Variants in DLG2 observed in about 807,000 individuals in gnomAD.
DLG2 encodes the protein discs large MAGUK scaffold protein 2.
A neutral mutation model predicts 132.5 loss-of-function variants in DLG2; 45 were observed. That is an observed-to-expected ratio of 0.34 (90% CI 0.27 to 0.44). DLG2 has a LOEUF of 0.44. Ranked by LOEUF, DLG2 falls within the 20% of genes least tolerant of loss-of-function variation. DLG2 has a pLI of 1.00. For synonymous variants in DLG2, 424 were observed against 419.6 expected (o/e 1.01, Z -0.13); for missense variants, 1,045 against 1,196.9 (o/e 0.87, Z 1.87).
In DLG2 at chr11:84,027,631, C is replaced by T. The variant is rs144176536; in HGVS notation, c.919+31684G>A. 7.2e-3 allele frequency among the ~76,000 whole-genome samples: 1,096 copies of T among 152,040 alleles called. 51 individuals are homozygous for T. The highest frequency in any genetic ancestry group is 0.067 in the Admixed American group (1,019 of 15,216). ...CAAAAAGTAAGTAATGAACATGCAT[C>T]GGGAGAAACACCTTTTGGGATAAAT... On this transcript the variant is annotated intron_variant, in intron 11 of 27. Transcript: ENST00000376104.
chr11:83,911,010 A>G (rs1244973996), intron 15 of DLG2, among the ~76,000 whole-genome samples: 5 of 152,192 alleles, frequency 3.3e-5, no homozygotes, highest in Admixed American at 2.6e-4. Context: ...TTAATTGAGC[A>G]ATAATAGTTT....
Position 84,205,804 on chromosome 11 carries a change from G to T in DLG2, c.574-42293C>A, listed in dbSNP as rs920917688. 3.9e-5 allele frequency among the ~76,000 whole-genome samples: 6 copies of T among 151,988 alleles called. No individual in the cohort carries two copies. In the East Asian group the frequency reaches 1.2e-3, roughly 29 times the overall value. ...TTAAAAAGCTACAAAAATGAAGATGGTATATTCAAAGTAACTAAAAGAAAA... is the reference window on the plus strand; with the variant it reads ...TTAAAAAGCTACAAAAATGAAGATGTTATATTCAAAGTAACTAAAAGAAAA... On this transcript the variant is annotated intron_variant, in intron 8 of 27. Coordinates refer to ENST00000376104, the MANE Select transcript of DLG2 (RefSeq NM_001142699.3).
chr11:85,379,909 G>T (rs942819406), intron 3 of DLG2, among the ~76,000 whole-genome samples: 1 of 151,948 alleles, frequency 6.6e-6, no homozygotes, highest in African/African-American at 2.4e-5. Context: ...TTTTTTATAT[G>T]TCACAAAATG....
rs912132187 is a variant in DLG2, at chr11:83,956,589, G to C, written c.1340+6296C>G. Among the ~76,000 whole-genome samples the C allele has an allele frequency of 3.3e-5, 5 of 152,292 alleles. No homozygotes were observed. The Middle Eastern group carries it at 0.014, about 414-fold the overall frequency. On this transcript the variant is annotated intron_variant, in intron 14 of 27. Transcript: ENST00000376104. ...TCCCACAAGGGGTTGAGCACGGTGGGCCAAGTAGACAGGGTGCCCCTACCG... is the reference window on the plus strand; with the variant it reads ...TCCCACAAGGGGTTGAGCACGGTGGCCCAAGTAGACAGGGTGCCCCTACCG...
chr11:84,862,307 A>C (rs1348867530), intron 6 of DLG2, among the ~76,000 whole-genome samples: 1 of 152,212 alleles, frequency 6.6e-6, no homozygotes, highest in Non-Finnish European at 1.5e-5. Flanking sequence ...GATCATTATA[A>C]AGTCAGGAAA....
intron 7 of DLG2, among the ~76,000 whole-genome samples, chr11:84,278,182 C>A (rs1405486643): frequency 1.3e-5 from 2 of 150,718 alleles, no homozygotes; most frequent in Non-Finnish European, 2.9e-5. Flanking sequence ...AGCCACTGTA[C>A]CTGGCTGAGA....
At chr11:84,880,982 C>A (rs541146271) in intron 6 of DLG2, among the ~76,000 whole-genome samples, 1 of 151,986 alleles carries the variant, frequency 6.6e-6, no homozygotes, top group Non-Finnish European at 1.5e-5. Context: ...CAGATCTTTA[C>A]GTTTTCGTGG....
chr11:84,653,907 C>G (rs1594950707), intron 6 of DLG2, among the ~76,000 whole-genome samples: 2 of 152,132 alleles, frequency 1.3e-5, no homozygotes, highest in South Asian at 4.1e-4. Flanking sequence ...ATCTCCATCA[C>G]TCCAGAATTC....
chr11:85,025,175 T>C (rs904147725), intron 6 of DLG2, among the ~76,000 whole-genome samples: 2 of 152,212 alleles, frequency 1.3e-5, no homozygotes, highest in African/African-American at 4.8e-5. Context: ...CACAGATACA[T>C]ACACTCATCA....
intron 18 of DLG2, among the ~76,000 whole-genome samples, chr11:83,673,043 A>G (rs1220207861): frequency 2.0e-5 from 3 of 152,206 alleles, no homozygotes; most frequent in African/African-American, 7.2e-5. Context: ...TCCAACCTGG[A>G]CGACATAGCA....
intron 5 of DLG2, among the ~76,000 whole-genome samples, chr11:85,126,595 C>A (rs2075139854): frequency 6.6e-6 from 1 of 152,124 alleles, no homozygotes; most frequent in African/African-American, 2.4e-5. Context: ...CTCTTTGCCA[C>A]TCAATACATT....
chr11:84,357,825 C>CT (rs1284279846), intron 7 of DLG2, among the ~76,000 whole-genome samples: 2 of 151,728 alleles, frequency 1.3e-5, no homozygotes, highest in South Asian at 4.2e-4. Flanking sequence ...ATTTTTAAAT[C>CT]TTTTTTTAAT....
intron 3 of DLG2, among the ~76,000 whole-genome samples, chr11:85,476,267 C>G (rs1423343583): frequency 6.6e-6 from 1 of 152,014 alleles, no homozygotes; most frequent in East Asian, 1.9e-4. Flanking sequence ...AACGATACTT[C>G]TGTATAGGCA....
intron 18 of DLG2, among the ~76,000 whole-genome samples, chr11:83,662,875 G>T (rs2074666576): frequency 6.6e-6 from 1 of 152,152 alleles, no homozygotes; most frequent in Non-Finnish European, 1.5e-5. Flanking sequence ...GGATTTTGTG[G>T]CTCTCAGCAC....
chr11:84,832,077 A>AG (rs1056465243), intron 6 of DLG2, among the ~76,000 whole-genome samples: 2 of 151,744 alleles, frequency 1.3e-5, no homozygotes, highest in Admixed American at 6.6e-5. Context: ...TATATTTGCC[A>AG]GCCCTATCCT....
chr11:85,160,688 G>A (rs1360308276), intron 4 of DLG2, among the ~76,000 whole-genome samples: 1 of 152,088 alleles, frequency 6.6e-6, no homozygotes, highest in Non-Finnish European at 1.5e-5. Flanking sequence ...ATGAGGAAGT[G>A]GCTCAAATGC....
intron 22 of DLG2, among the ~76,000 whole-genome samples, chr11:83,479,381 G>T (rs1239243075): frequency 1.3e-5 from 2 of 151,916 alleles, no homozygotes; most frequent in Non-Finnish European, 2.9e-5. Flanking sequence ...TAACGGGGGG[G>T]GGAAAACCTC....
At chr11:85,589,149 T>C (rs2079147314) in intron 3 of DLG2, among the ~76,000 whole-genome samples, 1 of 151,698 alleles carries the variant, frequency 6.6e-6, no homozygotes, top group South Asian at 2.1e-4. Context: ...CAAATGCTGG[T>C]TATGCTAGCA....
intron 7 of DLG2, among the ~76,000 whole-genome samples, chr11:84,268,169 CCT>C (rs920242919): frequency 1.1e-3 from 173 of 152,226 alleles, no homozygotes; most frequent in African/African-American, 1.2e-3. Context: ...CTTGTAAACC[CCT>C]GTTTTAAAAC....
Sources: allele counts gnomAD v4.1 joint callset (sites outside exome capture counted in the v4.1 genomes callset), GRCh38; gene constraint gnomAD v4.1.1; transcripts MANE v1.5; gene names NCBI Gene and HGNC (gene_info 2026-07-23, HGNC 2026-07-21).